RNF144B: variants seen among roughly 807,000 people sequenced by gnomAD.
RNF144B encodes the protein ring finger protein 144B.
RNF144B carries 25 observed loss-of-function variants against 40.2 expected under a neutral mutation model. That is an observed-to-expected ratio of 0.62 (90% confidence interval 0.45 to 0.87). The LOEUF (loss-of-function observed/expected upper bound fraction) is 0.87, where lower values mean the gene tolerates loss of function less well. Ranked by LOEUF, RNF144B falls within the 40% of genes least tolerant of loss-of-function variation. The pLI is 0.00. For synonymous variants in RNF144B, 145 were observed against 136.3 expected (o/e 1.06, Z -0.44); for missense variants, 365 against 373.7 (o/e 0.98, Z 0.19).
In RNF144B at chr6:18,425,124, A is replaced by C. The variant is rs1758520218; in HGVS notation, c.166-2457A>C. ...AGGTATTATTGTCCCTACTTTTTAA[A>C]TTAAGGAAAGCAAGTCTAGGTCATA... On this transcript the variant is annotated intron_variant, in intron 2 of 7. Coordinates refer to ENST00000259939, the MANE Select transcript of RNF144B (RefSeq NM_182757.4). The surrounding 1 kb of genome is among the most constrained non-coding windows in gnomAD (Gnocchi z 4.2). 6.6e-6 allele frequency among the ~76,000 whole-genome samples: 1 copy of C among 152,152 alleles called. No individual in the cohort carries two copies. The highest frequency in any genetic ancestry group is 1.5e-5 in the Non-Finnish European group (1 of 68,026).
chr6:18,458,410 A>G lies in RNF144B; in HGVS notation c.536+1051A>G, dbSNP rs1241493848. On this transcript the variant is annotated intron_variant, in intron 5 of 7. Coordinates refer to ENST00000259939, the MANE Select transcript of RNF144B (RefSeq NM_182757.4). This position sits in a 1 kb window ranked among gnomAD's most constrained non-coding sequence, Gnocchi z 4.8. ...CCCAGAATGTGTAGAACCAGGCTTC[A>G]TGAATAGTAATGCTACTTGGCTACG... is the stretch of plus-strand genomic sequence containing the variant. Among the ~76,000 whole-genome samples the G allele has an allele frequency of 6.6e-6, 1 of 152,150 alleles. No individual in the cohort carries two copies. Among genetic ancestry groups the G allele is most frequent in the Non-Finnish European group, 1.5e-5 (1 of 68,022 alleles).
In RNF144B at chr6:18,467,821, T is replaced by C. The variant is rs1048862371; in HGVS notation, c.*2754T>C. ...ACACCTGGCTAAGTTTTGTATTTTT[T>C]GTAGAGATGGGGTTTCTCTGTGTTG... On this transcript the variant is annotated 3_prime_UTR_variant, in exon 8 of 8. Coordinates refer to ENST00000259939, the MANE Select transcript of RNF144B (RefSeq NM_182757.4). The C allele has an allele frequency of 6.6e-6, 1 of 152,070 alleles. No individual in the cohort carries two copies. The highest frequency in any genetic ancestry group is 1.5e-5 in the Non-Finnish European group (1 of 68,130). 9.4% of individuals were successfully genotyped at this position (152,070 alleles called of 1,614,324 possible). A position where few individuals can be genotyped will look rare whatever the true frequency, so the allele number is the denominator to read the frequency against.
At chr6:18,394,553 A>G (rs1290094603) in intron 1 of RNF144B, among the ~76,000 whole-genome samples, 1 of 151,696 alleles carries the variant, frequency 6.6e-6, no homozygotes, top group Non-Finnish European at 1.5e-5. Flanking sequence ...AGCTGAGATC[A>G]TGCCACTGCA....
rs931636251 is a variant in RNF144B at position 18,441,194 on chromosome 6, A to T, written c.331+1450A>T. ...AAGAGCATCAACCATCTGCCCTGCC[A>T]TTTTCCCACTTTATCCCAACATCCT... On this transcript the variant is annotated intron_variant, in intron 4 of 7. Coordinates refer to ENST00000259939, the MANE Select transcript of RNF144B (RefSeq NM_182757.4). The surrounding 1 kb of genome is among the most constrained non-coding windows in gnomAD (Gnocchi z 4.9). 6.6e-6 allele frequency among the ~76,000 whole-genome samples: 1 copy of T among 152,150 alleles called. No homozygotes were observed. Among genetic ancestry groups the T allele is most frequent in the African/African-American group, 2.4e-5 (1 of 41,448 alleles).
rs1795116800 is a variant in RNF144B at position 18,414,883 on chromosome 6, T to C, written c.166-12698T>C. Among the ~76,000 whole-genome samples, 1 of 152,180 alleles carries C rather than the reference T, an allele frequency of 6.6e-6. No individual in the cohort carries two copies. Among genetic ancestry groups the C allele is most frequent in the Non-Finnish European group, 1.5e-5 (1 of 68,030 alleles). On this transcript the variant is annotated intron_variant, in intron 2 of 7. Transcript: ENST00000259939. This position sits in a 1 kb window ranked among gnomAD's most constrained non-coding sequence, Gnocchi z 4.9. ...TTTGTTATGAAACAAGATAAAGATT[T>C]TTACAACAAATACCTGTAGAGTTAT...
In RNF144B at chr6:18,441,859, G is replaced by A. The variant is rs1758972911; in HGVS notation, c.331+2115G>A. ...TACTTGTAAAGCACTTCCTGTGAGT[G>A]CTTCCTGTGTCTCAGTGTTCAAAAT... On this transcript the variant is annotated intron_variant, in intron 4 of 7. Transcript: ENST00000259939. The surrounding 1 kb of genome is among the most constrained non-coding windows in gnomAD (Gnocchi z 4.9). 6.6e-6 allele frequency among the ~76,000 whole-genome samples: 1 copy of A among 152,170 alleles called. No individual in the cohort carries two copies. Among genetic ancestry groups the A allele is most frequent in the African/African-American group, 2.4e-5 (1 of 41,452 alleles).
In RNF144B at chr6:18,400,251, C is replaced by T. The variant is rs572111854; in HGVS notation, c.165+552C>T. Reference sequence around the variant, plus strand: ...TCAGGCCACTGCACTCCAGCCTGGGCGACAGAGCGAGACTCTGTCTCAAAA... The same window carrying T: ...TCAGGCCACTGCACTCCAGCCTGGGTGACAGAGCGAGACTCTGTCTCAAAA... On this transcript the variant is annotated intron_variant, in intron 2 of 7. Transcript: ENST00000259939. This position sits in a 1 kb window ranked among gnomAD's most constrained non-coding sequence, Gnocchi z 5.6. Among the ~76,000 whole-genome samples the T allele has an allele frequency of 5.5e-5, 8 of 144,970 alleles. No individual in the cohort carries two copies. The highest frequency in any genetic ancestry group is 2.0e-4 in the East Asian group (1 of 4,940).
Position 18,405,150 on chromosome 6 carries a change from TTTATTATTA to T in RNF144B, c.165+5469_165+5477del, listed in dbSNP as rs71536790. On this transcript the variant is annotated intron_variant, in intron 2 of 7. Coordinates refer to ENST00000259939, the MANE Select transcript of RNF144B (RefSeq NM_182757.4). The surrounding 1 kb of genome is among the most constrained non-coding windows in gnomAD (Gnocchi z 4.5). ...CTTGCTTGCAAGGTTAGTTTTTTTC[TTTATTATTA>T]TTATTATTATTATTATTGTTATTAT... 2.1e-5 allele frequency among the ~76,000 whole-genome samples: 3 copies of T among 146,244 alleles called. No individual in the cohort carries two copies. The highest frequency in any genetic ancestry group is 5.0e-5 in the African/African-American group (2 of 39,852).
chr6:18,411,484 TATATATATA>T lies in RNF144B; in HGVS notation c.165+11786_165+11794del, dbSNP rs1371708386. Among the ~76,000 whole-genome samples, 359 of 37,448 alleles carry T rather than the reference TATATATATA, an allele frequency of 9.6e-3. 2 individuals carry two copies. The highest frequency in any genetic ancestry group is 0.012 in the African/African-American group (129 of 10,644). 24.6% of individuals were successfully genotyped at this position (37,448 alleles called of 152,430 possible). On this transcript the variant is annotated intron_variant, in intron 2 of 7. Coordinates refer to ENST00000259939, the MANE Select transcript of RNF144B (RefSeq NM_182757.4). ...ATTCATATATATATATATATATATA[TATATATATA>T]TATATTTTTTTTTTTTTTTTTTTTT...
chr6:18,392,035 TAAAAAAAAAA>T (rs10643409), intron 1 of RNF144B, among the ~76,000 whole-genome samples: 7 of 71,080 alleles, frequency 9.8e-5, no homozygotes, highest in African/African-American at 1.6e-4. Context: ...CCATCTCTAC[TAAAAAAAAAA>T]AAAAAAAAAA....
At chr6:18,427,063 A>G (rs1396965719) in intron 2 of RNF144B, among the ~76,000 whole-genome samples, 1 of 152,136 alleles carries the variant, frequency 6.6e-6, no homozygotes, top group Non-Finnish European at 1.5e-5. Flanking sequence ...GCAGGAAGTC[A>G]CCTGACTTTC....
rs765398332 is a variant in RNF144B, at chr6:18,448,716, A to ACACACACACACACC, written c.332-8438_332-8437insACACACACACACCC. ...CACACACACACACACACACACACAC[A>ACACACACACACACC]CCCCACCCCCAAGATAGAACCAGCA... On this transcript the variant is annotated intron_variant, in intron 4 of 7. Transcript: ENST00000259939. This position sits in a 1 kb window ranked among gnomAD's most constrained non-coding sequence, Gnocchi z 4.0. 2.3e-4 allele frequency among the ~76,000 whole-genome samples: 34 copies of ACACACACACACACC among 147,758 alleles called. 1 individual carries two copies. Among genetic ancestry groups the ACACACACACACACC allele is most frequent in the Admixed American group, 2.1e-3 (31 of 14,600 alleles).
rs754489571 is a variant in RNF144B, at chr6:18,457,201, TCAGA to T, written c.382_385del (p.Thr128CysfsTer22). Reference sequence around the variant, plus strand: ...GAACATGGTGTCCTGTTGCAGACTGTCAGACAGTGTGCCCTGTTGCCTCGAGTGA... The same window carrying T: ...GAACATGGTGTCCTGTTGCAGACTGTCAGTGTGCCCTGTTGCCTCGAGTGA... On this transcript the variant is annotated frameshift_variant, in exon 5 of 8. Coordinates refer to ENST00000259939, the MANE Select transcript of RNF144B (RefSeq NM_182757.4). LOFTEE classifies it high-confidence loss of function. The surrounding 1 kb of genome is among the most constrained non-coding windows in gnomAD (Gnocchi z 5.1). 1.2e-6 allele frequency: 2 copies of T among 1,614,050 alleles called. No homozygotes were observed. The highest frequency in any genetic ancestry group is 2.7e-5 in the African/African-American group (2 of 74,924).
At chr6:18,424,174 G>A (rs776199857) in intron 2 of RNF144B, among the ~76,000 whole-genome samples, 1 of 152,086 alleles carries the variant, frequency 6.6e-6, no homozygotes, top group Non-Finnish European at 1.5e-5. Context: ...TCATGTGAAC[G>A]TTTTCACTTA....
rs1759329612 is a variant in RNF144B, at chr6:18,456,545, C to G, written c.332-610C>G. Among the ~76,000 whole-genome samples, 1 of 152,172 alleles carries G rather than the reference C, an allele frequency of 6.6e-6. No homozygotes were observed. Among genetic ancestry groups the G allele is most frequent in the Non-Finnish European group, 1.5e-5 (1 of 68,026 alleles). ...GAGATTTTTGCCTATTTTACGTGCT[C>G]AAAGGTGGGAAATATTCTAAAAGTC... On this transcript the variant is annotated intron_variant, in intron 4 of 7. Transcript: ENST00000259939. The surrounding 1 kb of genome is among the most constrained non-coding windows in gnomAD (Gnocchi z 4.7).
intron 2 of RNF144B, 43 bp from the exon 3 acceptor site, chr6:18,427,538 C>A: frequency 1.5e-6 from 2 of 1,378,188 alleles, no homozygotes; most frequent in Non-Finnish European, 2.1e-6. Context: ...CTTTCTGCTA[C>A]TGTAATGGAA....
In RNF144B at chr6:18,406,201, G is replaced by A; in HGVS notation, c.165+6502G>A. On this transcript the variant is annotated intron_variant, in intron 2 of 7. Coordinates refer to ENST00000259939, the MANE Select transcript of RNF144B (RefSeq NM_182757.4). This position sits in a 1 kb window ranked among gnomAD's most constrained non-coding sequence, Gnocchi z 4.2. ...CAAGTAAATACAGAAGTCAGGTGAT[G>A]GTTTGTGCTATGGAAAAATAGGGTG... 1.9e-6 allele frequency: 1 copy of A among 516,826 alleles called. No individual in the cohort carries two copies. The highest frequency in any genetic ancestry group is 1.4e-5 in the South Asian group (1 of 71,374). The allele number at this position is 516,826 out of a possible 1,614,324, so 32.0% of individuals were successfully genotyped here.
At chr6:18,426,677 G>A (rs1195911859) in intron 2 of RNF144B, among the ~76,000 whole-genome samples, 1 of 150,348 alleles carries the variant, frequency 6.7e-6, no homozygotes, top group Non-Finnish European at 1.5e-5. Context: ...TTTCTTCTCT[G>A]GTTTTCTTTT....
Position 18,442,436 on chromosome 6 carries a change from A to G in RNF144B, c.331+2692A>G, listed in dbSNP as rs1261560325. Among the ~76,000 whole-genome samples the G allele has an allele frequency of 6.6e-6, 1 of 152,192 alleles. No homozygotes were observed. The highest frequency in any genetic ancestry group is 1.5e-5 in the Non-Finnish European group (1 of 68,030). ...TCATGTTGTTATTCTTATTTTATAG[A>G]TGAAGAAACTGAAAACAGGACAGAT... On this transcript the variant is annotated intron_variant, in intron 4 of 7. Coordinates refer to ENST00000259939, the MANE Select transcript of RNF144B (RefSeq NM_182757.4). This position sits in a 1 kb window ranked among gnomAD's most constrained non-coding sequence, Gnocchi z 4.3.
Sources: allele counts gnomAD v4.1 joint callset (sites outside exome capture counted in the v4.1 genomes callset), GRCh38; gene constraint gnomAD v4.1.1; non-coding constraint Gnocchi (gnomAD v3.1); transcripts MANE v1.5; gene names NCBI Gene and HGNC (gene_info 2026-07-23, HGNC 2026-07-21).